HK1: variants seen among roughly 807,000 people sequenced by gnomAD.
The protein encoded by HK1 is hexokinase 1, also known as hexokinase-1.
In HK1, 28 loss-of-function variants were observed where a neutral mutation model predicts 91.6. The ratio of observed to expected loss-of-function variants is 0.31; its 90% CI spans 0.23 to 0.42. The LOEUF is 0.42. HK1 is among the 10% of genes least tolerant of loss of function. The pLI, the probability that HK1 is intolerant of heterozygous loss-of-function variation, is 1.00. For missense variants in HK1, 770 were observed against 1,219.8 expected, an observed-to-expected ratio of 0.63 and a Z score of 5.49; for synonymous variants, 430 against 468.1, an observed-to-expected ratio of 0.92 and a Z score of 1.05.
intron 14 of HK1, among the ~76,000 whole-genome samples, chr10:69,390,248 T>C (rs1839835623): frequency 6.6e-6 from 1 of 152,246 alleles, no homozygotes; most frequent in Admixed American, 6.5e-5. Context: ...TCCCTTTCTT[T>C]CCATGAATGG....
At chr10:69,316,683 A>C (rs1367345383), upstream of HK1, among the ~76,000 whole-genome samples, 1 of 152,246 alleles carries the variant, frequency 6.6e-6, no homozygotes, top group Non-Finnish European at 1.5e-5. Context: ...CAGCTCAGAT[A>C]GGAGTTGTAA....
chr10:69,315,416 C>A (rs557022970), upstream of HK1, among the ~76,000 whole-genome samples: 5 of 152,214 alleles, frequency 3.3e-5, no homozygotes, highest in African/African-American at 1.2e-4. Flanking sequence ...GTCACTCCAA[C>A]CCCAACTTGT....
rs374291625 is a variant in HK1 at position 69,389,244 on chromosome 10, C to T, written c.1983C>T (p.Thr661=). The T allele has an allele frequency of 2.0e-5, 32 of 1,613,890 alleles. No individual in the cohort carries two copies. In the African/African-American group the frequency reaches 3.3e-4, roughly 17 times the overall value. Residue 661 remains threonine (T), a synonymous_variant, in exon 14 of 18, where the codon ACC becomes ACT. Coordinates refer to ENST00000359426, the MANE Select transcript of HK1 (RefSeq NM_000188.3). ...VVAVVNDTVG[T]MMTCAYEEPT... ...CTGTGGTCAACGACACAGTGGGCAC[C>T]ATGATGACCTGTGCTTATGAGGAGC...
chr10:69,359,877 C>T lies in HK1; in HGVS notation c.227-20C>T. On this transcript the variant is annotated intron_variant, in intron 2 of 17. Coordinates refer to ENST00000359426, the MANE Select transcript of HK1 (RefSeq NM_000188.3). ...CTTAACATTTGAATCTCATGTGATA[C>T]CTGTTGTCTCCCTAAACAGAAAAGG... The T allele has an allele frequency of 4.3e-6, 7 of 1,612,898 alleles. No individual in the cohort carries two copies. Among genetic ancestry groups the T allele is most frequent in the South Asian group, 1.1e-5 (1 of 91,050 alleles).
At chr10:69,321,893 T>C (rs1847054956) in intron 1 of HK1, among the ~76,000 whole-genome samples, 4 of 152,108 alleles carry the variant, frequency 2.6e-5, no homozygotes, top group Admixed American at 2.6e-4. Flanking sequence ...AACACATATA[T>C]TCCTTTCACT....
At chr10:69,324,144 T>C (rs1564512352) in intron 1 of HK1, among the ~76,000 whole-genome samples, 3 of 152,220 alleles carry the variant, frequency 2.0e-5, no homozygotes, top group Non-Finnish European at 4.4e-5. Context: ...AGTATGCTTA[T>C]TGATTTGAAA....
chr10:69,341,812 T>C (rs1848304053), intron 1 of HK1, among the ~76,000 whole-genome samples: 1 of 152,058 alleles, frequency 6.6e-6, no homozygotes, highest in Non-Finnish European at 1.5e-5. Context: ...TTCTTTGAGC[T>C]GCTTTATTGT....
chr10:69,398,534 G>C, intron 16 of HK1, 61 bp from the exon 17 acceptor site: 1 of 1,320,414 alleles, frequency 7.6e-7, no homozygotes, highest in Non-Finnish European at 1.1e-6. Context: ...TTTGGACGTG[G>C]TCTCCAGGCT....
chr10:69,297,414 T>C (rs1845619547), intron 4 of HK1, among the ~76,000 whole-genome samples: 2 of 152,120 alleles, frequency 1.3e-5, no homozygotes, highest in South Asian at 4.1e-4. Context: ...ACTCCTGCAG[T>C]GCAAACCGGT....
chr10:69,300,711 A>AT (rs1457033125), intron 4 of HK1: 1 of 988,918 alleles, frequency 1.0e-6, no homozygotes, highest in Non-Finnish European at 1.6e-6. Flanking sequence ...CACAGTGAGA[A>AT]ACCAGACGAT....
chr10:69,281,237 T>C (rs1844731375), intron 1 of HK1, among the ~76,000 whole-genome samples: 1 of 152,160 alleles, frequency 6.6e-6, no homozygotes, highest in South Asian at 2.1e-4. Context: ...ATTCAGTAGG[T>C]CTGTGGAAGG....
intron 8 of HK1, among the ~76,000 whole-genome samples, chr10:69,377,932 C>G (rs1839198821): frequency 6.6e-6 from 1 of 152,342 alleles, no homozygotes; most frequent in Non-Finnish European, 1.5e-5. Context: ...AACTGTAGCC[C>G]CTTGGCATCA....
Position 69,373,732 on chromosome 10 carries a change from A to G in HK1, c.876-3202A>G, listed in dbSNP as rs534827533. On this transcript the variant is annotated intron_variant, in intron 7 of 17. Coordinates refer to ENST00000359426, the MANE Select transcript of HK1 (RefSeq NM_000188.3). ...CAGCCTCCTGAGTAGCTGGGACCAC[A>G]GGCAGCAGTACCATGCCTGGCTAAT... Among the ~76,000 whole-genome samples the G allele has an allele frequency of 2.6e-5, 4 of 152,108 alleles. No individual in the cohort carries two copies. The South Asian group carries it at 8.3e-4, about 32-fold the overall frequency.
intron 1 of HK1, among the ~76,000 whole-genome samples, chr10:69,339,390 A>C (rs147848306): frequency 6.6e-6 from 1 of 152,192 alleles, no homozygotes; most frequent in African/African-American, 2.4e-5. Context: ...GTCCTCATTC[A>C]TGTAAAATCC....
chr10:69,319,093 C>T (rs955962293), intron 1 of HK1, 83 bp downstream of exon 1: 1 of 1,482,642 alleles, frequency 6.7e-7, no homozygotes, highest in Non-Finnish European at 9.2e-7. Flanking sequence ...TGCCTCCATC[C>T]TCCGGCGCCC....
At chr10:69,384,199 A>T in intron 10 of HK1, 134 bp from the exon 11 acceptor site, 3 of 1,049,724 alleles carry the variant, frequency 2.9e-6, no homozygotes, top group Non-Finnish European at 4.5e-6. Flanking sequence ...GCTGTGTCCT[A>T]AAGGGAGGAG....
intron 2 of HK1, among the ~76,000 whole-genome samples, chr10:69,287,620 A>T (rs1564754166): frequency 6.6e-6 from 1 of 152,162 alleles, no homozygotes; most frequent in Non-Finnish European, 1.5e-5. Flanking sequence ...TCGAATGAGA[A>T]TGGCTGGTAA....
chr10:69,286,532 A>G (rs558362182), intron 2 of HK1, among the ~76,000 whole-genome samples: 3 of 151,900 alleles, frequency 2.0e-5, no homozygotes, highest in Admixed American at 1.3e-4. Flanking sequence ...CATATATTTT[A>G]TTTTTAGATC....
intron 3 of HK1, among the ~76,000 whole-genome samples, chr10:69,293,924 T>G (rs182078824): frequency 2.8e-4 from 41 of 145,790 alleles, no homozygotes; most frequent in Non-Finnish European, 3.3e-4. Context: ...TGCAGTGGCG[T>G]GATCTCGGCT....
Sources: gnomAD v4.1 joint callset for allele counts (sites outside exome capture counted in the v4.1 genomes callset) on GRCh38, gnomAD v4.1.1 for gene constraint, MANE v1.5 for transcripts, NCBI Gene and HGNC (gene_info 2026-07-23, HGNC 2026-07-21) for gene names.